Variants in CCT5 observed in about 807,000 individuals in gnomAD.
The protein encoded by CCT5 is T-complex protein 1 subunit epsilon.
In CCT5, 6 loss-of-function variants were observed where a neutral mutation model predicts 55.0. The observed-to-expected ratio is 0.11, with a 90% CI of 0.06 to 0.22. CCT5 has a LOEUF of 0.22. CCT5 is among the 10% of genes least tolerant of loss of function. CCT5 has a pLI of 1.00. For synonymous variants in CCT5, 231 were observed against 243.7 expected, an observed-to-expected ratio of 0.95 and a Z score of 0.49; for missense variants, 560 against 694.6, an observed-to-expected ratio of 0.81 and a Z score of 2.18.
chr5:10,254,149 A>G lies in CCT5; in HGVS notation c.110A>G (p.His37Arg). Reference protein sequence around the residue: ...RLMGLEALKSHIMAAKAVANT... With the variant: ...RLMGLEALKSRIMAAKAVANT... ...TTTTTCTGTTTGTTTCATTAGTCTC[A>G]TATAATGGCAGCAAAGGCTGTAGCA... The change falls in exon 2 of 11, where the codon CAT (histidine) becomes CGT (arginine). Residue 37 changes from histidine to arginine, a missense_variant. His to Arg is a conservative substitution (Grantham distance 29). This residue lies in a region of CCT5 where 137 missense variants were observed against 181.9 expected (regional missense o/e 0.75). Coordinates refer to ENST00000280326, the MANE Select transcript of CCT5 (RefSeq NM_012073.5). The G allele has an allele frequency of 6.2e-7, 1 of 1,605,342 alleles. No homozygotes were observed. Among genetic ancestry groups the G allele is most frequent in the Non-Finnish European group, 8.5e-7 (1 of 1,172,180 alleles).
At chr5:10,261,237 G>T in intron 7 of CCT5, 1 of 491,506 alleles carries the variant, frequency 2.0e-6, no homozygotes, top group Non-Finnish European at 3.7e-6. Flanking sequence ...GGTTCTCACT[G>T]CAGCGCAGTG....
chr5:10,258,908 G>A (rs866916393), intron 6 of CCT5, among the ~76,000 whole-genome samples: 1 of 152,102 alleles, frequency 6.6e-6, no homozygotes, highest in Non-Finnish European at 1.5e-5. Flanking sequence ...CAGGAGAATC[G>A]CTTGAACCCA....
rs1198834423 is a variant in CCT5 at position 10,263,329 on chromosome 5, C to T, written c.1498+15C>T. On this transcript the variant is annotated intron_variant, in intron 10 of 10. Coordinates refer to ENST00000280326, the MANE Select transcript of CCT5 (RefSeq NM_012073.5). ...GGGGACAAATGGTGAGGAGCTGTCA[C>T]GCCTCTGCGTGGAGGGGGGGGGATG... 7 of 1,539,930 alleles carry T rather than the reference C, an allele frequency of 4.5e-6. No homozygotes were observed. Among genetic ancestry groups the T allele is most frequent in the East Asian group, 2.4e-5 (1 of 42,526 alleles).
At chr5:10,258,077 A>G (rs1340545930) in intron 4 of CCT5, 34 bp from the exon 5 acceptor site, 2 of 1,609,048 alleles carry the variant, frequency 1.2e-6, no homozygotes, top group South Asian at 1.1e-5. Context: ...TAATTGTGAA[A>G]CCAATGAAGT....
intron 10 of CCT5, 34 bp downstream of exon 10, chr5:10,263,348 GGGGA>G (rs201574713): frequency 6.9e-6 from 10 of 1,448,234 alleles, no homozygotes; most frequent in Non-Finnish European, 9.2e-6. Context: ...GTGGAGGGGG[GGGGA>G]TGTCTGATTT....
chr5:10,251,585 CTTTG>C (rs1340711913), intron 1 of CCT5, among the ~76,000 whole-genome samples: 3 of 152,150 alleles, frequency 2.0e-5, no homozygotes, highest in Non-Finnish European at 2.9e-5. Context: ...CCTATGGACT[CTTTG>C]TTTGACTTAG....
At chr5:10,261,822 AC>A in intron 8 of CCT5, 77 bp downstream of exon 8, 2 of 1,071,370 alleles carry the variant, frequency 1.9e-6, no homozygotes, top group Non-Finnish European at 2.9e-6. Flanking sequence ...TGTGTATTTA[AC>A]AGAGACACAG....
At chr5:10,259,846 C>T (rs1197608726) in intron 6 of CCT5, among the ~76,000 whole-genome samples, 5 of 152,048 alleles carry the variant, frequency 3.3e-5, no homozygotes, top group South Asian at 2.1e-4. Context: ...GCTGGTGAGG[C>T]GCAGGTTGCT....
intron 1 of CCT5, among the ~76,000 whole-genome samples, chr5:10,252,252 T>C (rs1056044794): frequency 6.6e-6 from 1 of 152,172 alleles, no homozygotes; most frequent in African/African-American, 2.4e-5. Context: ...CCTGACCTCA[T>C]AGAACGTCCA....
rs2126524491 is a variant in CCT5, at chr5:10,265,823, T to C, written c.*1040T>C. 6.6e-6 allele frequency: 1 copy of C among 152,276 alleles called. No homozygotes were observed. Among genetic ancestry groups the C allele is most frequent in the South Asian group, 2.1e-4 (1 of 4,824 alleles). The allele number at this position is 152,276 out of a possible 1,614,324, so 9.4% of individuals were successfully genotyped here. On this transcript the variant is annotated 3_prime_UTR_variant, in exon 11 of 11. Transcript: ENST00000280326. ...TCTCTAGATTTTCTAAAATAATGTT[T>C]CTTAGCATTGTGATGATAAAGCTCA...
At chr5:10,254,945 A>C in intron 3 of CCT5, 107 bp downstream of exon 3, 1 of 932,662 alleles carries the variant, frequency 1.1e-6, no homozygotes, top group South Asian at 1.3e-5. Context: ...ATGAGGAGAC[A>C]GACAAATCCA....
In CCT5 at chr5:10,255,977, A is replaced by G. The variant is rs1232015129; in HGVS notation, c.354A>G (p.Glu118=). 1 of 1,614,208 alleles carries G rather than the reference A, an allele frequency of 6.2e-7. No individual in the cohort carries two copies. The highest frequency in any genetic ancestry group is 8.5e-7 in the Non-Finnish European group (1 of 1,180,016). Residue 118 remains glutamate (E), a synonymous_variant, in exon 4 of 11, where the codon GAA becomes GAG. Coordinates refer to ENST00000280326, the MANE Select transcript of CCT5 (RefSeq NM_012073.5). ...GVVVLAGALL[E]EAEQLLDRGI... ...CAGTCCTGGCTGGTGCCTTGTTAGA[A>G]GAAGCGGAGCAATTGCTAGACCGAG...
intron 1 of CCT5, 135 bp from the exon 2 acceptor site, chr5:10,254,010 C>T (rs1745555455): frequency 1.4e-6 from 1 of 694,074 alleles, no homozygotes; most frequent in South Asian, 1.6e-5. Context: ...TTAAACCTGT[C>T]TGTTGCCCCT....
At chr5:10,250,893 G>A (rs938890771) in intron 1 of CCT5, 1 of 1,034,022 alleles carries the variant, frequency 9.7e-7, no homozygotes, top group Non-Finnish European at 1.2e-6. Flanking sequence ...CACTCGTAAA[G>A]GTGTGGTCAC....
Position 10,262,688 on chromosome 5 carries a change from A to T in CCT5, c.1317+70A>T, listed in dbSNP as rs954596820. On this transcript the variant is annotated intron_variant, in intron 9 of 10. Transcript: ENST00000280326. ...ATGGTGGAGACTGTGAAGCTGCGGA[A>T]CAGCGAGGTGCTGGATGCAAAACAA... 3 of 1,546,992 alleles carry T rather than the reference A, an allele frequency of 1.9e-6. No individual in the cohort carries two copies. In the African/African-American group the frequency reaches 4.1e-5, roughly 21 times the overall value.
Position 10,264,222 on chromosome 5 carries a change from C to A in CCT5, c.1499-434C>A, listed in dbSNP as rs937154631. ...CCCGGGACGCAGAGGTTCCAGTGAG[C>A]TGAGATCGCACTGTTGTATTCCAGC... On this transcript the variant is annotated intron_variant, in intron 10 of 10. Transcript: ENST00000280326. Among the ~76,000 whole-genome samples the A allele has an allele frequency of 2.0e-5, 3 of 151,898 alleles. No individual in the cohort carries two copies. The East Asian group carries it at 5.8e-4, about 29-fold the overall frequency.
chr5:10,254,275 T>G, intron 2 of CCT5, 70 bp downstream of exon 2: 2 of 1,110,332 alleles, frequency 1.8e-6, no homozygotes, highest in Non-Finnish European at 2.7e-6. Context: ...TAAACCTCTC[T>G]ACAGAAAGGT....
Position 10,255,986 on chromosome 5 carries a change from G to A in CCT5, c.363G>A (p.Glu121=). The A allele has an allele frequency of 6.2e-7, 1 of 1,614,222 alleles. No homozygotes were observed. Among genetic ancestry groups the A allele is most frequent in the Non-Finnish European group, 8.5e-7 (1 of 1,180,018 alleles). The change falls in exon 4 of 11, where the codon GAG becomes GAA. Residue 121 remains glutamate, a synonymous_variant. Transcript: ENST00000280326. ...VLAGALLEEA[E]QLLDRGIHPI... The stretch of plus-strand genomic sequence containing the variant: ...CTGGTGCCTTGTTAGAAGAAGCGGA[G>A]CAATTGCTAGACCGAGGCATTCACC...
Position 10,263,121 on chromosome 5 carries a change from T to C in CCT5, c.1318-13T>C. On this transcript the variant is annotated splice_polypyrimidine_tract_variant and intron_variant, in intron 9 of 10. Transcript: ENST00000280326. ...TCGCCAAGTGCACTCACCATACTTC[T>C]GTACCTTTCCAGTGCCCCACCTTAG... The C allele has an allele frequency of 6.2e-7, 1 of 1,613,736 alleles. No homozygotes were observed. Among genetic ancestry groups the C allele is most frequent in the South Asian group, 1.1e-5 (1 of 91,074 alleles).
Sources: allele counts gnomAD v4.1 joint callset (sites outside exome capture counted in the v4.1 genomes callset), GRCh38; gene constraint gnomAD v4.1.1; regional missense constraint gnomAD v4.1.1; transcripts MANE v1.5; gene names NCBI Gene and HGNC (gene_info 2026-07-23, HGNC 2026-07-21).